Variants in KLHL2 observed in about 807,000 individuals in gnomAD.
KLHL2 encodes kelch-like protein 2.
In KLHL2, 15 loss-of-function variants were observed where a neutral mutation model predicts 75.8. The ratio of observed to expected loss-of-function variants is 0.20; its 90% CI spans 0.13 to 0.30. KLHL2 has a LOEUF of 0.30. Ranked by LOEUF, KLHL2 falls within the 10% of genes least tolerant of loss-of-function variation. The pLI, the probability that KLHL2 is intolerant of heterozygous loss-of-function variation, is 1.00. For synonymous variants in KLHL2, 214 were observed against 251.9 expected (o/e 0.85, Z 1.42); for missense variants, 381 against 741.0 (o/e 0.51, Z 5.64).
chr4:165,290,572 T>C (rs1314509458), intron 5 of KLHL2, among the ~76,000 whole-genome samples: 1 of 152,210 alleles, frequency 6.6e-6, no homozygotes. Flanking sequence ...ACTTCCTTAG[T>C]GTATAATTTT....
intron 3 of KLHL2, among the ~76,000 whole-genome samples, chr4:165,229,220 C>T (rs927800842): frequency 1.3e-5 from 2 of 152,140 alleles, no homozygotes; most frequent in East Asian, 1.9e-4. Context: ...CAAAAGGAAG[C>T]CACTTTACAT....
rs1442388297 is a variant in KLHL2, at chr4:165,313,355, G to A, written c.1457G>A (p.Arg486Gln). 3.9e-6 allele frequency: 6 copies of A among 1,521,770 alleles called. No individual in the cohort carries two copies. Among genetic ancestry groups the A allele is most frequent in the Admixed American group, 2.3e-5 (1 of 43,346 alleles). 94.3% of individuals were successfully genotyped at this position (1,521,770 alleles called of 1,614,324 possible). A position where few individuals can be genotyped will look rare whatever the true frequency, so the allele number is the denominator to read the frequency against. Residue 486 changes from arginine (R) to glutamine (Q), a missense_variant, in exon 12 of 15, where the codon CGG (arginine) becomes CAG (glutamine). Around this residue, in one of 5 missense-constraint regions of KLHL2, gnomAD observed 168 missense variants for 370.4 expected, o/e 0.45. Transcript: ENST00000226725. ...WTYIAEMSTR[R>Q]SGAGVGVLNN... Reference sequence around the variant, plus strand: ...TATATAGCAGAAATGAGCACCAGGCGGAGTGGAGCAGGTACATGTGAACCT... The same window carrying A: ...TATATAGCAGAAATGAGCACCAGGCAGAGTGGAGCAGGTACATGTGAACCT...
intron 5 of KLHL2, among the ~76,000 whole-genome samples, chr4:165,281,778 C>T (rs1743710513): frequency 6.6e-6 from 1 of 152,180 alleles, no homozygotes; most frequent in Non-Finnish European, 1.5e-5. Flanking sequence ...ATTCCACATA[C>T]ATATATGGAA....
chr4:165,278,929 G>A lies in KLHL2; in HGVS notation c.545-15430G>A, dbSNP rs140222065. 3,216 of 1,424,160 alleles carry A rather than the reference G, an allele frequency of 2.3e-3. 40 individuals carry two copies. In the African/African-American group the frequency reaches 0.031, roughly 14 times the overall value. The allele number at this position is 1,424,160 out of a possible 1,614,324, so 88.2% of individuals were successfully genotyped here. A position where few individuals can be genotyped will look rare whatever the true frequency, so the allele number is the denominator to read the frequency against. On this transcript the variant is annotated intron_variant, in intron 5 of 14. Transcript: ENST00000226725. ...AGGCCCCCGCTTTCATTAGGCCATA[G>A]ATCTCAGAAGAACTCCGAACATGTG...
chr4:165,272,934 A>T (rs2126353148), intron 5 of KLHL2, among the ~76,000 whole-genome samples: 1 of 152,330 alleles, frequency 6.6e-6, no homozygotes, highest in South Asian at 2.1e-4. Context: ...CTTCATTTTT[A>T]ATGCACTATA....
chr4:165,294,162 A>T (rs180968654), intron 5 of KLHL2, among the ~76,000 whole-genome samples, 197 bp from the exon 6 acceptor site: 1 of 152,316 alleles, frequency 6.6e-6, no homozygotes, highest in East Asian at 1.9e-4. Flanking sequence ...GCTGTTGTAT[A>T]AACAAATCAC....
At chr4:165,295,762 A>C (rs932855832) in intron 6 of KLHL2, among the ~76,000 whole-genome samples, 1 of 152,214 alleles carries the variant, frequency 6.6e-6, no homozygotes, top group Non-Finnish European at 1.5e-5. Context: ...GTAAAGAGAT[A>C]TGAAAGAGTA....
intron 4 of KLHL2, among the ~76,000 whole-genome samples, chr4:165,243,673 G>T (rs1463687286): frequency 6.6e-6 from 1 of 152,226 alleles, no homozygotes; most frequent in African/African-American, 2.4e-5. Flanking sequence ...TCAACATAGT[G>T]TGTCCATTTT....
chr4:165,207,832 C>T lies in KLHL2; in HGVS notation c.-45C>T. On this transcript the variant is annotated 5_prime_UTR_variant, in exon 1 of 15. Transcript: ENST00000226725. The surrounding 1 kb of genome is among the most constrained non-coding windows in gnomAD (Gnocchi z 4.2). ...GCGTCCGCGGCTGGAATGGTGCTGGCTGTGTTGGTCGGTGCCTGCGTTCTG... is the reference window on the plus strand; with the variant it reads ...GCGTCCGCGGCTGGAATGGTGCTGGTTGTGTTGGTCGGTGCCTGCGTTCTG... 7.0e-7 allele frequency: 1 copy of T among 1,435,830 alleles called. No individual in the cohort carries two copies. The highest frequency in any genetic ancestry group is 1.5e-5 in the African/African-American group (1 of 66,674). 88.9% of individuals were successfully genotyped at this position (1,435,830 alleles called of 1,614,324 possible). A position where few individuals can be genotyped will look rare whatever the true frequency, so the allele number is the denominator to read the frequency against.
intron 5 of KLHL2, among the ~76,000 whole-genome samples, chr4:165,281,049 T>C (rs1268717632): frequency 6.6e-6 from 1 of 152,230 alleles, no homozygotes; most frequent in African/African-American, 2.4e-5. Context: ...CTTGTGGATC[T>C]CAGAGACTAT....
At chr4:165,238,300 T>G (rs1299157492) in intron 3 of KLHL2, among the ~76,000 whole-genome samples, 1 of 152,172 alleles carries the variant, frequency 6.6e-6, no homozygotes, top group African/African-American at 2.4e-5. Flanking sequence ...GTGGAGCCTC[T>G]GTGTCTGGTG....
At chr4:165,253,971 G>T (rs17585550) in intron 4 of KLHL2, among the ~76,000 whole-genome samples, 1 of 152,098 alleles carries the variant, frequency 6.6e-6, no homozygotes, top group Non-Finnish European at 1.5e-5. Flanking sequence ...TCCAGATCCA[G>T]TGCTGCAAGC....
chr4:165,282,014 A>T (rs971923709), intron 5 of KLHL2, among the ~76,000 whole-genome samples: 2 of 152,202 alleles, frequency 1.3e-5, no homozygotes, highest in African/African-American at 2.4e-5. Context: ...ACAAGCTATG[A>T]TCCATAAACA....
chr4:165,261,357 T>TATTTTA (rs879865849), intron 4 of KLHL2, among the ~76,000 whole-genome samples: 91 of 152,234 alleles, frequency 6.0e-4, no homozygotes, highest in Admixed American at 9.8e-4. Flanking sequence ...TTTTTATTTT[T>TATTTTA]TGAGACGGAG....
chr4:165,238,884 A>T lies in KLHL2; in HGVS notation c.366A>T (p.Thr122=), dbSNP rs754883464. ...TTTACACTGCAGAAATTCAGGTTAC[A>T]GAAGAAAATGTACAGGTAAGAGTAA... ...DYVYTAEIQV[T]EENVQVLLPA... is the part of the protein sequence containing the mutation. Residue 122 remains threonine (T), a synonymous_variant, in exon 4 of 15, where the codon ACA becomes ACT. Coordinates refer to ENST00000226725, the MANE Select transcript of KLHL2 (RefSeq NM_007246.4). The T allele has an allele frequency of 6.2e-7, 1 of 1,613,960 alleles. No homozygotes were observed. Among genetic ancestry groups the T allele is most frequent in the Non-Finnish European group, 8.5e-7 (1 of 1,179,982 alleles).
chr4:165,222,885 C>T (rs191838411), intron 2 of KLHL2, among the ~76,000 whole-genome samples: 101 of 152,284 alleles, frequency 6.6e-4, no homozygotes, highest in African/African-American at 2.1e-3. Flanking sequence ...AGCTGTACTC[C>T]GAACAATGTT....
intron 5 of KLHL2, among the ~76,000 whole-genome samples, chr4:165,273,613 A>G (rs1336451293): frequency 6.6e-6 from 1 of 152,200 alleles, no homozygotes; most frequent in South Asian, 2.1e-4. Context: ...GTTTCCCTGC[A>G]CAAGCTCTCT....
intron 1 of KLHL2, among the ~76,000 whole-genome samples, chr4:165,217,503 C>A (rs566862879): frequency 6.6e-6 from 1 of 152,274 alleles, no homozygotes; most frequent in South Asian, 2.1e-4. Flanking sequence ...AGTGGCACCT[C>A]CTTATTCTCC....
At chr4:165,250,151 CAG>C (rs1386020272) in intron 4 of KLHL2, among the ~76,000 whole-genome samples, 1 of 151,922 alleles carries the variant, frequency 6.6e-6, no homozygotes, top group African/African-American at 2.4e-5. Flanking sequence ...TTTGTTCTGA[CAG>C]AGACTATCAC....
Sources: allele counts gnomAD v4.1 joint callset (sites outside exome capture counted in the v4.1 genomes callset), GRCh38; gene constraint gnomAD v4.1.1; regional missense constraint gnomAD v4.1.1; non-coding constraint Gnocchi (gnomAD v3.1); transcripts MANE v1.5; gene names NCBI Gene and HGNC (gene_info 2026-07-23, HGNC 2026-07-21).